SYT3: variants seen among roughly 807,000 people sequenced by gnomAD.
The protein encoded by SYT3 is synaptotagmin 3, also known as synaptotagmin-3.
SYT3 carries 25 observed loss-of-function variants against 50.6 expected under a neutral mutation model. That is an observed-to-expected ratio of 0.49 (90% CI 0.36 to 0.69). The LOEUF (loss-of-function observed/expected upper bound fraction) is 0.69, where lower values mean the gene tolerates loss of function less well. Among genes scored for constraint, SYT3 ranks in the 30% least tolerant of loss-of-function variants. The pLI is 0.00. For synonymous variants in SYT3, 323 were observed against 353.9 expected (o/e 0.91, Z 0.98); for missense variants, 589 against 793.6 (o/e 0.74, Z 3.10).
At chr19:50,656,406 A>G in the SYT3 span, 1 of 1,487,926 alleles carries the variant, frequency 6.7e-7, no homozygotes, top group Non-Finnish European at 8.9e-7. Flanking sequence ...GGAAGGGCAC[A>G]GGCTGAGAAG....
the SYT3 span, among the ~76,000 whole-genome samples, chr19:50,651,064 C>G: frequency 1.3e-5 from 2 of 152,218 alleles, no homozygotes; most frequent in African/African-American, 4.8e-5. Context: ...TTGCAAACTT[C>G]AGCATAGGCC....
In SYT3 at chr19:50,622,467, G is replaced by A. The variant is rs917782285; in HGVS notation, c.*18C>T. 1.8e-5 allele frequency: 8 copies of A among 452,838 alleles called. No homozygotes were observed. Among genetic ancestry groups the A allele is most frequent in the Non-Finnish European group, 3.3e-5 (8 of 241,838 alleles). 28.1% of individuals were successfully genotyped at this position (452,838 alleles called of 1,614,324 possible). On this transcript the variant is annotated 3_prime_UTR_variant, in exon 11 of 11. Transcript: ENST00000600079. The stretch of plus-strand genomic sequence containing the variant: ...TCCTGAGGGAGCCTGGTCCGATCCC[G>A]GGCCTAGGCCAGACCTGCACGATGG...
chr19:50,638,062 A>T (rs1984553379), intron 2 of SYT3: 1 of 152,300 alleles, frequency 6.6e-6, no homozygotes. Flanking sequence ...GCAAACAAAA[A>T]CACATACACA....
chr19:50,633,221 A>G lies in SYT3; in HGVS notation c.149-410T>C, dbSNP rs1311018095. On this transcript the variant is annotated intron_variant, in intron 3 of 10. Coordinates refer to ENST00000600079, the MANE Select transcript of SYT3 (RefSeq NM_001160329.2). ...TGGCTCGAACTCCTGGCCTCAAGCA[A>G]TCTTCCCACCTTGGCCTCCCAAAGT... 4.6e-5 allele frequency among the ~76,000 whole-genome samples: 7 copies of G among 152,132 alleles called. No individual in the cohort carries two copies. In the South Asian group the frequency reaches 1.0e-3, roughly 22 times the overall value.
At chr19:50,652,777 A>T in the SYT3 span, among the ~76,000 whole-genome samples, 1 of 152,138 alleles carries the variant, frequency 6.6e-6, no homozygotes, top group African/African-American at 2.4e-5. Flanking sequence ...ACATGTCAAA[A>T]TCCTGCCTTG....
At chr19:50,630,547 C>T (rs533816117) in intron 4 of SYT3, among the ~76,000 whole-genome samples, 6 of 152,206 alleles carry the variant, frequency 3.9e-5, no homozygotes, top group East Asian at 3.9e-4. Context: ...CTCAGCCTCC[C>T]GAGTAACTGG....
At chr19:50,650,595 C>T in the SYT3 span, among the ~76,000 whole-genome samples, 2 of 152,154 alleles carry the variant, frequency 1.3e-5, no homozygotes, top group Non-Finnish European at 2.9e-5. Flanking sequence ...CGCTTGAACC[C>T]AGGAGGCAGA....
chr19:50,625,118 G>A lies in SYT3; in HGVS notation c.1707+44C>T. The A allele has an allele frequency of 6.6e-7, 1 of 1,522,428 alleles. No individual in the cohort carries two copies. Among genetic ancestry groups the A allele is most frequent in the Non-Finnish European group, 8.8e-7 (1 of 1,139,668 alleles). 94.3% of individuals were successfully genotyped at this position (1,522,428 alleles called of 1,614,324 possible). Reference sequence around the variant, plus strand: ...CGTTGCATGGATGAAGGGGCCGAGGGTGCACGGGTGCTTGTCAGGGGTCGG... The same window carrying A: ...CGTTGCATGGATGAAGGGGCCGAGGATGCACGGGTGCTTGTCAGGGGTCGG... On this transcript the variant is annotated intron_variant, in intron 9 of 10. Coordinates refer to ENST00000600079, the MANE Select transcript of SYT3 (RefSeq NM_001160329.2). This position sits in a 1 kb window ranked among gnomAD's most constrained non-coding sequence, Gnocchi z 7.5.
chr19:50,627,096 G>A (rs1248565461), intron 6 of SYT3, among the ~76,000 whole-genome samples: 1 of 152,174 alleles, frequency 6.6e-6, no homozygotes, highest in Non-Finnish European at 1.5e-5. Flanking sequence ...CTGACACACA[G>A]GCTGGAGCCA....
At chr19:50,630,485 C>T (rs1186718362) in intron 4 of SYT3, among the ~76,000 whole-genome samples, 5 of 151,600 alleles carry the variant, frequency 3.3e-5, no homozygotes, top group East Asian at 1.9e-4. Flanking sequence ...TGCAAAGGCG[C>T]GATCTCGGCC....
rs776860442 is a variant in SYT3 at position 50,625,594 on chromosome 19, GACTC to G, written c.1403-34_1403-31del. 4 of 1,546,202 alleles carry G rather than the reference GACTC, an allele frequency of 2.6e-6. No homozygotes were observed. The African/African-American group carries it at 4.1e-5, about 16-fold the overall frequency. On this transcript the variant is annotated intron_variant, in intron 7 of 10. Coordinates refer to ENST00000600079, the MANE Select transcript of SYT3 (RefSeq NM_001160329.2). This position sits in a 1 kb window ranked among gnomAD's most constrained non-coding sequence, Gnocchi z 7.5. ...GAACAGCAATGAAGTAAGGAACAGA[GACTC>G]ACTCCCTCAGACCTAGGGGTCCAGG...
the SYT3 span, among the ~76,000 whole-genome samples, chr19:50,655,533 C>T: frequency 1.3e-5 from 2 of 151,990 alleles, no homozygotes; most frequent in African/African-American, 4.8e-5. Context: ...CCTGTAGTCT[C>T]AGCTACTCGG....
the SYT3 span, among the ~76,000 whole-genome samples, chr19:50,648,199 C>T: frequency 6.6e-6 from 1 of 152,082 alleles, no homozygotes; most frequent in Non-Finnish European, 1.5e-5. Context: ...CCAACCCTGG[C>T]TCTGACCAGC....
At position 50,625,272 on chromosome 19, in the gene SYT3, C is replaced by T. The variant is rs1304918028; in HGVS notation, c.1597G>A (p.Gly533Ser). The T allele has an allele frequency of 4.5e-6, 7 of 1,544,726 alleles. No individual in the cohort carries two copies. The highest frequency in any genetic ancestry group is 2.4e-5 in the East Asian group (1 of 41,444). Reference sequence around the variant, plus strand: ...GCGTCGGGGCCCACACGGCACACGCCGATCACCTCGTTGTGCCCGATGCTG... The same window carrying T: ...GCGTCGGGGCCCACACGGCACACGCTGATCACCTCGTTGTGCCCGATGCTG... ...YDCIGHNEVI[G>S]VCRVGPDAAD... The change falls in exon 9 of 11, where the codon GGC becomes AGC. Residue 533 changes from glycine to serine, a missense_variant. Coordinates refer to ENST00000600079, the MANE Select transcript of SYT3 (RefSeq NM_001160329.2). The surrounding 1 kb of genome is among the most constrained non-coding windows in gnomAD (Gnocchi z 7.5).
chr19:50,645,311 A>AGGCAGAGAGACAGGCAAGGC, the SYT3 span, among the ~76,000 whole-genome samples: 4 of 152,222 alleles, frequency 2.6e-5, no homozygotes, highest in African/African-American at 9.6e-5. Context: ...GGTCGGAGTA[A>AGGCAGAGAGACAGGCAAGGC]GGCAGAGAGA....
chr19:50,655,011 T>TC, the SYT3 span, among the ~76,000 whole-genome samples: 2 of 152,070 alleles, frequency 1.3e-5, no homozygotes, highest in African/African-American at 4.8e-5. Context: ...CACATTCCAG[T>TC]CCAAGAGAAA....
At position 50,639,441 on chromosome 19, in the gene SYT3, G is replaced by T. The variant is rs116963588; in HGVS notation, c.-153-279C>A. ...ATTTTTTTTTTTTTTTTAAGGTTTT[G>T]GGGGGTTAAGATGCTGGGGTCCCAA... On this transcript the variant is annotated intron_variant, in intron 1 of 10. Coordinates refer to ENST00000600079, the MANE Select transcript of SYT3 (RefSeq NM_001160329.2). The surrounding 1 kb of genome is among the most constrained non-coding windows in gnomAD (Gnocchi z 4.6). 0.047 allele frequency: 7,082 copies of T among 151,144 alleles called. 188 individuals carry two copies. Among genetic ancestry groups the T allele is most frequent in the Non-Finnish European group, 0.054 (3,681 of 67,780 alleles). The allele number at this position is 151,144 out of a possible 1,614,324, so 9.4% of individuals were successfully genotyped here. A position where few individuals can be genotyped will look rare whatever the true frequency, so the allele number is the denominator to read the frequency against.
Position 50,625,761 on chromosome 19 carries a change from TCCTC to T in SYT3, c.1402+132_1402+135del. On this transcript the variant is annotated intron_variant, in intron 7 of 10. Coordinates refer to ENST00000600079, the MANE Select transcript of SYT3 (RefSeq NM_001160329.2). This position sits in a 1 kb window ranked among gnomAD's most constrained non-coding sequence, Gnocchi z 7.5. ...CCCAGGAGTCCAGGCCCCTGGCCCC[TCCTC>T]CCTCAGACCCAGGAGTCCAGATCCC... 7 of 813,306 alleles carry T rather than the reference TCCTC, an allele frequency of 8.6e-6. No homozygotes were observed. Among genetic ancestry groups the T allele is most frequent in the South Asian group, 3.4e-5 (2 of 59,292 alleles). 50.4% of individuals were successfully genotyped at this position (813,306 alleles called of 1,614,324 possible). A position where few individuals can be genotyped will look rare whatever the true frequency, so the allele number is the denominator to read the frequency against.
At chr19:50,627,458 T>C (rs1289430807) in intron 6 of SYT3, among the ~76,000 whole-genome samples, 1 of 152,186 alleles carries the variant, frequency 6.6e-6, no homozygotes, top group Non-Finnish European at 1.5e-5. Context: ...CAGTGGCTGA[T>C]GCCTGTAATC....
Sources: gnomAD v4.1 joint callset for allele counts (sites outside exome capture counted in the v4.1 genomes callset) on GRCh38, gnomAD v4.1.1 for gene constraint, Gnocchi (gnomAD v3.1) non-coding constraint, MANE v1.5 for transcripts, NCBI Gene and HGNC (gene_info 2026-07-23, HGNC 2026-07-21) for gene names.